MAGI1: variants seen among roughly 807,000 people sequenced by gnomAD.
MAGI1 encodes membrane-associated guanylate kinase, WW and PDZ domain-containing protein 1.
A neutral mutation model predicts 139.9 loss-of-function variants in MAGI1; 58 were observed. The ratio of observed to expected loss-of-function variants is 0.41; its 90% CI spans 0.34 to 0.52. The LOEUF is 0.52. Ranked by LOEUF, MAGI1 falls within the 20% of genes least tolerant of loss-of-function variation. The probability of loss-of-function intolerance (pLI) is 0.12; values close to 1 mark genes in which losing one functional copy is unlikely to be tolerated. For missense variants in MAGI1, 1,874 were observed against 1,901.6 expected, an observed-to-expected ratio of 0.99 and a Z score of 0.27; for synonymous variants, 812 against 737.9, an observed-to-expected ratio of 1.10 and a Z score of -1.63.
chr3:65,730,845 G>A (rs2034111124), intron 1 of MAGI1, among the ~76,000 whole-genome samples: 1 of 152,078 alleles, frequency 6.6e-6, no homozygotes, highest in Non-Finnish European at 1.5e-5. Context: ...AGAGGCTGAA[G>A]TGTTGTCAGA....
At chr3:66,035,777 A>C (rs1186964450) in intron 1 of MAGI1, among the ~76,000 whole-genome samples, 1 of 152,078 alleles carries the variant, frequency 6.6e-6, no homozygotes, top group Non-Finnish European at 1.5e-5. Context: ...GGGTGAAGAG[A>C]GCTAACACCT....
intron 1 of MAGI1, among the ~76,000 whole-genome samples, chr3:65,700,343 G>C (rs1041257863): frequency 2.0e-5 from 3 of 152,098 alleles, no homozygotes; most frequent in Non-Finnish European, 4.4e-5. Context: ...TCAGGAGGCT[G>C]AGGCAGGAGA....
chr3:65,419,247 A>ACATACACACACACACACAC (rs1355075280), intron 12 of MAGI1, among the ~76,000 whole-genome samples: 2 of 33,210 alleles, frequency 6.0e-5, no homozygotes, highest in East Asian at 0.018. Flanking sequence ...CACACACACA[A>ACATACACACACACACACAC]GTGTATGAAT....
intron 2 of MAGI1, among the ~76,000 whole-genome samples, chr3:65,559,132 C>T (rs934051869): frequency 1.3e-5 from 2 of 152,148 alleles, no homozygotes; most frequent in Admixed American, 6.5e-5. Flanking sequence ...AGTGAACTCA[C>T]AAATAAAAAA....
chr3:65,441,550 T>C (rs935541081), intron 8 of MAGI1, among the ~76,000 whole-genome samples: 1 of 152,186 alleles, frequency 6.6e-6, no homozygotes, highest in African/African-American at 2.4e-5. Context: ...CTCAAACTAG[T>C]GTCTTCACCC....
chr3:65,599,192 T>G (rs1193515714), intron 2 of MAGI1, among the ~76,000 whole-genome samples: 1 of 152,086 alleles, frequency 6.6e-6, no homozygotes, highest in Non-Finnish European at 1.5e-5. Flanking sequence ...GGGGAGGCAA[T>G]GCAGAAGCTA....
At chr3:65,927,334 A>T (rs1218940091) in intron 1 of MAGI1, among the ~76,000 whole-genome samples, 1 of 152,162 alleles carries the variant, frequency 6.6e-6, no homozygotes, top group East Asian at 1.9e-4. Flanking sequence ...TTGCTAGTGC[A>T]AGAAGATATT....
intron 1 of MAGI1, among the ~76,000 whole-genome samples, chr3:65,634,035 G>T (rs1023723742): frequency 3.3e-5 from 5 of 152,206 alleles, no homozygotes; most frequent in Admixed American, 2.0e-4. Flanking sequence ...CAATGAGCCA[G>T]ATAGCAATAT....
intron 1 of MAGI1, among the ~76,000 whole-genome samples, chr3:65,817,760 T>C (rs2041698735): frequency 6.6e-6 from 1 of 152,198 alleles, no homozygotes; most frequent in African/African-American, 2.4e-5. Context: ...TAACAACTAC[T>C]GCTGTGGCCT....
intron 1 of MAGI1, chr3:65,913,980 C>A (rs928288413): frequency 6.6e-6 from 1 of 150,550 alleles, no homozygotes; most frequent in Non-Finnish European, 1.5e-5. Flanking sequence ...CCCAGAGAGA[C>A]CATTAGAAAG....
At chr3:65,493,402 G>T in intron 3 of MAGI1, 110 bp downstream of exon 3, 1 of 1,291,902 alleles carries the variant, frequency 7.7e-7, no homozygotes, top group Non-Finnish European at 1.1e-6. Flanking sequence ...GAAATCTCCT[G>T]TTATTTGTTT....
chr3:66,027,243 G>T (rs2068324867), intron 1 of MAGI1, among the ~76,000 whole-genome samples: 1 of 151,494 alleles, frequency 6.6e-6, no homozygotes, highest in African/African-American at 2.4e-5. Context: ...ACTCCAAGCT[G>T]GGTGACAATG....
At chr3:65,413,875 G>A (rs1945988063) in intron 12 of MAGI1, among the ~76,000 whole-genome samples, 1 of 152,168 alleles carries the variant, frequency 6.6e-6, no homozygotes, top group Non-Finnish European at 1.5e-5. Flanking sequence ...CAAGAACTGT[G>A]AGGCCGTTTA....
At chr3:65,375,712 G>C in intron 18 of MAGI1, 33 bp downstream of exon 18, 1 of 1,426,040 alleles carries the variant, frequency 7.0e-7, no homozygotes, top group Non-Finnish European at 9.9e-7. Flanking sequence ...GAGAAAAAGA[G>C]AGAGAGAGAG....
At chr3:65,848,007 G>C (rs1243382641) in intron 1 of MAGI1, among the ~76,000 whole-genome samples, 5 of 152,128 alleles carry the variant, frequency 3.3e-5, no homozygotes, top group Admixed American at 2.6e-4. Context: ...TCAACATTTT[G>C]GTTGATCTTG....
chr3:65,936,965 G>A lies in MAGI1; in HGVS notation c.313+101031C>T, dbSNP rs527924616. Among the ~76,000 whole-genome samples the A allele has an allele frequency of 5.3e-5, 8 of 151,132 alleles. No homozygotes were observed. In the South Asian group the frequency reaches 1.7e-3, roughly 32 times the overall value. On this transcript the variant is annotated intron_variant, in intron 1 of 22. Transcript: ENST00000402939. Reference sequence around the variant, plus strand: ...TGGTGGTGATGGTGATGGTGGTGGTGGTGGTGATGGTGGTGGTGGTGGTGA... The same window carrying A: ...TGGTGGTGATGGTGATGGTGGTGGTAGTGGTGATGGTGGTGGTGGTGGTGA...
chr3:65,972,550 G>C (rs563317108), intron 1 of MAGI1, among the ~76,000 whole-genome samples: 4 of 152,192 alleles, frequency 2.6e-5, no homozygotes, highest in Non-Finnish European at 5.9e-5. Flanking sequence ...TACTCGGCCA[G>C]AGCCATTTCA....
chr3:65,626,104 A>T (rs1009707208), intron 1 of MAGI1, among the ~76,000 whole-genome samples: 1 of 152,230 alleles, frequency 6.6e-6, no homozygotes, highest in East Asian at 1.9e-4. Flanking sequence ...CTCTTAGGTG[A>T]CAAGAGTTCT....
intron 1 of MAGI1, among the ~76,000 whole-genome samples, chr3:65,951,720 C>G (rs2063871677): frequency 6.6e-6 from 1 of 152,188 alleles, no homozygotes; most frequent in Non-Finnish European, 1.5e-5. Flanking sequence ...AGATTCCAAT[C>G]AGCTTAAGCC....
Sources: gnomAD v4.1 joint callset for allele counts (sites outside exome capture counted in the v4.1 genomes callset) on GRCh38, gnomAD v4.1.1 for gene constraint, MANE v1.5 for transcripts, NCBI Gene and HGNC (gene_info 2026-07-23, HGNC 2026-07-21) for gene names.